LRP8: variants seen among roughly 807,000 people sequenced by gnomAD.
LRP8 encodes the protein low-density lipoprotein receptor-related protein 8.
In LRP8, 46 loss-of-function variants were observed where a neutral mutation model predicts 111.6. That is an observed-to-expected ratio of 0.41 (90% CI 0.33 to 0.53). LRP8 has a LOEUF of 0.53. LRP8 is among the 20% of genes least tolerant of loss of function. LRP8 has a pLI of 0.20. For synonymous variants in LRP8, 464 were observed against 511.2 expected (o/e 0.91, Z 1.24); for missense variants, 959 against 1,297.4 (o/e 0.74, Z 4.01).
intron 13 of LRP8, among the ~76,000 whole-genome samples, chr1:53,259,561 C>T (rs538050602): frequency 2.0e-5 from 3 of 151,690 alleles, no homozygotes; most frequent in East Asian, 1.9e-4. Context: ...AGAACAAATT[C>T]GTCAAACCTA....
chr1:53,270,328 C>T (rs1443744894), intron 8 of LRP8, among the ~76,000 whole-genome samples: 1 of 152,242 alleles, frequency 6.6e-6, no homozygotes, highest in Non-Finnish European at 1.5e-5. Context: ...ACTGCTCACT[C>T]TGCAGTTCTC....
chr1:53,259,271 A>G (rs1267063888), intron 13 of LRP8, among the ~76,000 whole-genome samples: 1 of 151,988 alleles, frequency 6.6e-6, no homozygotes, highest in Non-Finnish European at 1.5e-5. Flanking sequence ...GCCACCATAC[A>G]AGGGTCATTT....
In LRP8 at chr1:53,293,135, A is replaced by G. The variant is rs1167981231; in HGVS notation, c.245-3446T>C. ...GTTGCTGGGCACAGGACAACCAGAT[A>G]CCCCCCAAAAACCCTGCCCTCCCTG... On this transcript the variant is annotated intron_variant, in intron 2 of 18. Coordinates refer to ENST00000306052, the MANE Select transcript of LRP8 (RefSeq NM_004631.5). This position sits in a 1 kb window ranked among gnomAD's most constrained non-coding sequence, Gnocchi z 4.9. Among the ~76,000 whole-genome samples, 1 of 151,976 alleles carries G rather than the reference A, an allele frequency of 6.6e-6. No individual in the cohort carries two copies. The highest frequency in any genetic ancestry group is 6.6e-5 in the Admixed American group (1 of 15,260).
At position 53,275,690 on chromosome 1, in the gene LRP8, T is replaced by C; in HGVS notation, c.947A>G (p.Lys316Arg). ...ACAGTCCTGCTCCTGGTTGCAGTGC[T>C]TGATTGCAAGGACACATGTCCCATC... ...CGDGTCVLAI[K>R]HCNQEQDCPD... Residue 316 changes from lysine to arginine, a missense_variant, in exon 6 of 19, where the codon AAG (lysine) becomes AGG (arginine). Lys to Arg is a conservative substitution (Grantham distance 26). This residue lies in a region of LRP8 where 819 missense variants were observed against 1,097.6 expected (regional missense o/e 0.75). Coordinates refer to ENST00000306052, the MANE Select transcript of LRP8 (RefSeq NM_004631.5). The surrounding 1 kb of genome is among the most constrained non-coding windows in gnomAD (Gnocchi z 4.4). 1.2e-6 allele frequency: 2 copies of C among 1,614,140 alleles called. No homozygotes were observed. The highest frequency in any genetic ancestry group is 1.7e-6 in the Non-Finnish European group (2 of 1,180,004).
intron 12 of LRP8, among the ~76,000 whole-genome samples, 166 bp downstream of exon 12, chr1:53,261,902 C>T (rs1048530228): frequency 6.6e-6 from 1 of 152,178 alleles, no homozygotes; most frequent in African/African-American, 2.4e-5. Flanking sequence ...GAGTGGGCTG[C>T]AGAGCCTTTG....
intron 2 of LRP8, among the ~76,000 whole-genome samples, chr1:53,300,068 C>T (rs1299798485): frequency 2.0e-5 from 3 of 152,214 alleles, no homozygotes; most frequent in Non-Finnish European, 4.4e-5. Context: ...AGCCATCTTT[C>T]CTTGCCTGCT....
chr1:53,251,368 AT>A (rs2100341618), intron 16 of LRP8, among the ~76,000 whole-genome samples: 1 of 152,132 alleles, frequency 6.6e-6, no homozygotes, highest in Non-Finnish European at 1.5e-5. Flanking sequence ...GGAGAGTGGG[AT>A]GGGGCCAGGC....
At position 53,303,998 on chromosome 1, in the gene LRP8, C is replaced by A. The variant is rs1287225156; in HGVS notation, c.245-14309G>T. 6.6e-6 allele frequency among the ~76,000 whole-genome samples: 1 copy of A among 152,066 alleles called. No individual in the cohort carries two copies. Among genetic ancestry groups the A allele is most frequent in the Non-Finnish European group, 1.5e-5 (1 of 68,024 alleles). ...AGACTCCCAGGGAAGTGGAAAGGAG[C>A]CAAGAGCTGCCATGAAATGACTTTA... is the stretch of plus-strand genomic sequence containing the variant. On this transcript the variant is annotated intron_variant, in intron 2 of 18. Transcript: ENST00000306052. This position sits in a 1 kb window ranked among gnomAD's most constrained non-coding sequence, Gnocchi z 4.3.
At chr1:53,280,147 C>T (rs959283193) in intron 4 of LRP8, among the ~76,000 whole-genome samples, 16 of 152,086 alleles carry the variant, frequency 1.1e-4, no homozygotes, top group East Asian at 9.7e-4. Context: ...GCATTGCTGG[C>T]GCCCTGGCTC....
rs1651424083 is a variant in LRP8, at chr1:53,303,764, A to G, written c.245-14075T>C. Reference sequence around the variant, plus strand: ...CTGCCCCTTTCCCCCAACCCCCACCAGTGCTGGAATCCTCTGTTCCCACCG... The same window carrying G: ...CTGCCCCTTTCCCCCAACCCCCACCGGTGCTGGAATCCTCTGTTCCCACCG... On this transcript the variant is annotated intron_variant, in intron 2 of 18. Transcript: ENST00000306052. This position sits in a 1 kb window ranked among gnomAD's most constrained non-coding sequence, Gnocchi z 4.3. 6.6e-6 allele frequency among the ~76,000 whole-genome samples: 1 copy of G among 152,158 alleles called. No homozygotes were observed. The highest frequency in any genetic ancestry group is 1.5e-5 in the Non-Finnish European group (1 of 68,030).
chr1:53,282,330 A>G (rs1335874704), intron 3 of LRP8, among the ~76,000 whole-genome samples: 3 of 152,186 alleles, frequency 2.0e-5, no homozygotes, highest in Non-Finnish European at 4.4e-5. Flanking sequence ...TTTCACAGAA[A>G]TTTCCCTTGC....
intron 6 of LRP8, chr1:53,272,534 C>T: frequency 7.9e-7 from 1 of 1,272,622 alleles, no homozygotes; most frequent in Non-Finnish European, 1.0e-6. Context: ...GCTGCCCACC[C>T]CAGGCCATGC....
At chr1:53,296,539 C>T (rs1165732732) in intron 2 of LRP8, among the ~76,000 whole-genome samples, 5 of 152,240 alleles carry the variant, frequency 3.3e-5, no homozygotes, top group Admixed American at 6.5e-5. Context: ...CATGCCCCAG[C>T]GTTGCCAAGA....
chr1:53,271,607 G>A (rs1011871897), intron 6 of LRP8, among the ~76,000 whole-genome samples: 1 of 152,048 alleles, frequency 6.6e-6, no homozygotes, highest in Non-Finnish European at 1.5e-5. Context: ...CCGGCCTCCC[G>A]GCTGGGGCTC....
intron 2 of LRP8, among the ~76,000 whole-genome samples, chr1:53,291,171 T>C (rs1473393590): frequency 2.0e-5 from 3 of 152,252 alleles, no homozygotes; most frequent in African/African-American, 7.2e-5. Context: ...TGGTGAGAGA[T>C]AAGCTTTCAG....
chr1:53,278,271 T>C (rs145158278), intron 4 of LRP8, among the ~76,000 whole-genome samples: 2 of 152,166 alleles, frequency 1.3e-5, no homozygotes, highest in Non-Finnish European at 2.9e-5. Context: ...TTCAGGGCAG[T>C]GACCTCCTCA....
intron 2 of LRP8, among the ~76,000 whole-genome samples, chr1:53,291,255 A>C (rs1299888733): frequency 6.6e-6 from 1 of 152,038 alleles, no homozygotes; most frequent in African/African-American, 2.4e-5. Flanking sequence ...AAAAGAGGAT[A>C]CCTCAGCACA....
Position 53,277,087 on chromosome 1 carries a change from G to A in LRP8, c.497-9C>T. 1 of 1,489,894 alleles carries A rather than the reference G, an allele frequency of 6.7e-7. No homozygotes were observed. The highest frequency in any genetic ancestry group is 1.4e-5 in the African/African-American group (1 of 69,500). 92.3% of individuals were successfully genotyped at this position (1,489,894 alleles called of 1,614,324 possible). Reference sequence around the variant, plus strand: ...CTCGTGCGGGGCGCACACTGCGCGGGACAGAGAGCCGGTCGGCCCGCCGAC... The same window carrying A: ...CTCGTGCGGGGCGCACACTGCGCGGAACAGAGAGCCGGTCGGCCCGCCGAC... On this transcript the variant is annotated splice_polypyrimidine_tract_variant and intron_variant, in intron 4 of 18. Transcript: ENST00000306052.
rs1344704753 is a variant in LRP8 at position 53,245,254 on chromosome 1, C to A, written c.*1764G>T. 1 of 152,152 alleles carries A rather than the reference C, an allele frequency of 6.6e-6. No homozygotes were observed. The highest frequency in any genetic ancestry group is 1.5e-5 in the Non-Finnish European group (1 of 68,042). 9.4% of individuals were successfully genotyped at this position (152,152 alleles called of 1,614,324 possible). On this transcript the variant is annotated 3_prime_UTR_variant, in exon 19 of 19. Transcript: ENST00000306052. ...GGCATTTGCTTAAGTGTGTCAAGTT[C>A]CAGGTATGATGAGATTAGATGCAGC...
Sources: allele counts gnomAD v4.1 joint callset (sites outside exome capture counted in the v4.1 genomes callset), GRCh38; gene constraint gnomAD v4.1.1; regional missense constraint gnomAD v4.1.1; non-coding constraint Gnocchi (gnomAD v3.1); transcripts MANE v1.5; gene names NCBI Gene and HGNC (gene_info 2026-07-23, HGNC 2026-07-21).